The following GOLT1A variants were observed in gnomAD, a reference collection of about 807,000 sequenced individuals.
GOLT1A encodes vesicle transport protein GOT1A.
Under a neutral mutation model 16.1 loss-of-function variants are expected in GOLT1A, and 10 were observed. That is an observed-to-expected ratio of 0.62 (90% confidence interval 0.38 to 1.05). The LOEUF is 1.05. Ranked by LOEUF, GOLT1A falls within the 50% of genes least tolerant of loss-of-function variation. The probability of loss-of-function intolerance (pLI) is 0.01; values close to 1 mark genes in which losing one functional copy is unlikely to be tolerated. For missense variants in GOLT1A, 137 were observed against 165.7 expected (o/e 0.83, Z 0.95); for synonymous variants, 60 against 67.9 (o/e 0.88, Z 0.57).
At chr1:204,200,340 T>A (rs1246088631) in intron 3 of GOLT1A, among the ~76,000 whole-genome samples, 3 of 114,814 alleles carry the variant, frequency 2.6e-5, no homozygotes, top group African/African-American at 9.1e-5. Context: ...TTTTTTTTTT[T>A]GAGAGAGAGA....
intron 2 of GOLT1A, 89 bp downstream of exon 2, chr1:204,202,807 G>A: frequency 1.1e-6 from 1 of 911,842 alleles, no homozygotes; most frequent in Non-Finnish European, 1.8e-6. Context: ...TAAATAAACT[G>A]TAAGTCTTTA....
At chr1:204,199,280 G>C (rs1230713448) in intron 3 of GOLT1A, 22 bp from the exon 4 acceptor site, 1 of 1,587,444 alleles carries the variant, frequency 6.3e-7, no homozygotes, top group Non-Finnish European at 8.6e-7. Context: ...GGGGAGAAGG[G>C]AGGAGTCAGT....
chr1:204,203,090 A>ACTTC, intron 1 of GOLT1A, 103 bp from the exon 2 acceptor site: 10 of 759,314 alleles, frequency 1.3e-5, no homozygotes, highest in Non-Finnish European at 2.0e-5. Flanking sequence ...TATGGGGGTG[A>ACTTC]CTCCACTTCC....
At chr1:204,210,187 G>A (rs888985113) in intron 1 of GOLT1A, among the ~76,000 whole-genome samples, 1 of 152,238 alleles carries the variant, frequency 6.6e-6, no homozygotes, top group African/African-American at 2.4e-5. Context: ...CAATGGGCAG[G>A]TGTGAACCAT....
intron 1 of GOLT1A, among the ~76,000 whole-genome samples, chr1:204,208,470 G>GTGTGTATATATGTATATA (rs1659084353): frequency 4.0e-5 from 1 of 24,878 alleles, no homozygotes; most frequent in African/African-American, 1.1e-4. Flanking sequence ...TTGTGTGTGT[G>GTGTGTATATATGTATATA]TGTGTGTATA....
intron 1 of GOLT1A, among the ~76,000 whole-genome samples, chr1:204,210,892 G>A (rs565267051): frequency 2.1e-4 from 32 of 152,118 alleles, no homozygotes; most frequent in African/African-American, 7.0e-4. Context: ...TCCCAAACTG[G>A]TCTATTTATC....
At chr1:204,201,066 A>C (rs1658948889) in intron 3 of GOLT1A, among the ~76,000 whole-genome samples, 1 of 152,194 alleles carries the variant, frequency 6.6e-6, no homozygotes, top group Non-Finnish European at 1.5e-5. Context: ...GACAGTGGCC[A>C]CACATCATGG....
At position 204,198,477 on chromosome 1, in the gene GOLT1A, C is replaced by T; in HGVS notation, c.380G>A (p.Gly127Asp). 1 of 1,613,740 alleles carries T rather than the reference C, an allele frequency of 6.2e-7. No homozygotes were observed. Among genetic ancestry groups the T allele is most frequent in the Non-Finnish European group, 8.5e-7 (1 of 1,179,862 alleles). The change falls in exon 5 of 5, where the codon GGC becomes GAC. Residue 127 changes from glycine (G) to aspartate (D), a missense_variant. Physicochemically the swap from Gly to Asp is moderately conservative, Grantham distance 94. Transcript: ENST00000308302. Reference protein sequence around the residue: ...FLGALFRRLQGTSSMV With the variant: ...FLGALFRRLQDTSSMV ...TGTTTTTCAGACCATCGAGCTAGTG[C>T]CTTGAAGTCTCCGGAACAGCTGTGG...
chr1:204,206,677 T>G (rs1659043382), intron 1 of GOLT1A, among the ~76,000 whole-genome samples: 1 of 152,262 alleles, frequency 6.6e-6, no homozygotes, highest in South Asian at 2.1e-4. Context: ...CCTCAGTAGG[T>G]GTATTTGTGT....
intron 4 of GOLT1A, 40 bp downstream of exon 4, chr1:204,199,155 C>T (rs1308641752): frequency 3.3e-6 from 5 of 1,536,464 alleles, no homozygotes; most frequent in Non-Finnish European, 4.4e-6. Context: ...CCCTCACTCC[C>T]CAGGGTACGC....
chr1:204,213,081 C>A (rs1659164413), intron 1 of GOLT1A, among the ~76,000 whole-genome samples: 1 of 152,160 alleles, frequency 6.6e-6, no homozygotes, highest in Non-Finnish European at 1.5e-5. Context: ...AAAATAGCGA[C>A]CCCTCCTACC....
intron 1 of GOLT1A, among the ~76,000 whole-genome samples, chr1:204,205,367 C>T (rs1439634503): frequency 6.6e-6 from 1 of 152,166 alleles, no homozygotes; most frequent in East Asian, 1.9e-4. Flanking sequence ...CCACCTGCAT[C>T]TTTTGCATGT....
In GOLT1A at chr1:204,200,538, G is replaced by A. The variant is rs375093455; in HGVS notation, c.296+1095C>T. 2.0e-5 allele frequency among the ~76,000 whole-genome samples: 3 copies of A among 151,592 alleles called. No individual in the cohort carries two copies. The East Asian group carries it at 5.8e-4, about 29-fold the overall frequency. On this transcript the variant is annotated intron_variant, in intron 3 of 4. Coordinates refer to ENST00000308302, the MANE Select transcript of GOLT1A (RefSeq NM_198447.2). ...AAACAGGGTTTCACTATGTTGGCTA[G>A]TCTGTTCTCGAACTCCTGACCTCAA...
rs1659026145 is a variant in GOLT1A at position 204,205,427 on chromosome 1, C to A, written c.26-2440G>T. ...TCTGTTGGAAAGACTGTTCTTTCCC[C>A]ATTTCATGGTCTTGATGCCCTCGTC... On this transcript the variant is annotated intron_variant, in intron 1 of 4. Transcript: ENST00000308302. 1.3e-5 allele frequency among the ~76,000 whole-genome samples: 2 copies of A among 152,154 alleles called. 1 individual carries two copies. Among genetic ancestry groups the A allele is most frequent in the South Asian group, 4.1e-4 (2 of 4,830 alleles).
chr1:204,213,860 C>T, intron 1 of GOLT1A, 22 bp downstream of exon 1: 1 of 1,611,866 alleles, frequency 6.2e-7, no homozygotes, highest in African/African-American at 1.3e-5. Flanking sequence ...TAGCCCATTG[C>T]AGCCCCGCTC....
At chr1:204,213,622 G>T (rs1205381720) in intron 1 of GOLT1A, among the ~76,000 whole-genome samples, 2 of 152,220 alleles carry the variant, frequency 1.3e-5, no homozygotes. Context: ...TGGGAAAGGG[G>T]TCAGTGTGAA....
chr1:204,206,561 G>A lies in GOLT1A; in HGVS notation c.26-3574C>T, dbSNP rs552236352. ...TCTTTCTTTAACCCAAATGATAAAA[G>A]TGTTTTAGGTTTTTATGCTTGTTAT... On this transcript the variant is annotated intron_variant, in intron 1 of 4. Coordinates refer to ENST00000308302, the MANE Select transcript of GOLT1A (RefSeq NM_198447.2). Among the ~76,000 whole-genome samples, 23 of 152,348 alleles carry A rather than the reference G, an allele frequency of 1.5e-4. 1 individual carries two copies. The South Asian group carries it at 4.8e-3, about 32-fold the overall frequency.
intron 4 of GOLT1A, among the ~76,000 whole-genome samples, chr1:204,198,736 C>G (rs930042733): frequency 6.6e-6 from 1 of 152,090 alleles, no homozygotes; most frequent in African/African-American, 2.4e-5. Flanking sequence ...GGGGCAGGGG[C>G]TGGATACCAG....
At chr1:204,208,705 G>A (rs1659093158) in intron 1 of GOLT1A, among the ~76,000 whole-genome samples, 1 of 151,720 alleles carries the variant, frequency 6.6e-6, no homozygotes, top group Admixed American at 6.6e-5. Flanking sequence ...GGACTCATGG[G>A]AAAGGGTAGG....
Sources: gnomAD v4.1 joint callset for allele counts (sites outside exome capture counted in the v4.1 genomes callset) on GRCh38, gnomAD v4.1.1 for gene constraint, MANE v1.5 for transcripts, NCBI Gene and HGNC (gene_info 2026-07-23, HGNC 2026-07-21) for gene names.